LIG1: variants seen among roughly 807,000 people sequenced by gnomAD.
LIG1 encodes the protein ligase I, DNA, ATP-dependent.
In LIG1, 70 loss-of-function variants were observed where a neutral mutation model predicts 115.7. The observed-to-expected ratio is 0.60, with a 90% confidence interval of 0.50 to 0.74. LIG1 has a LOEUF of 0.74. LIG1 is among the 30% of genes least tolerant of loss of function. The pLI is 0.00. For missense variants in LIG1, 1,115 were observed against 1,225.6 expected, an observed-to-expected ratio of 0.91 and a Z score of 1.35; for synonymous variants, 487 against 495.3, an observed-to-expected ratio of 0.98 and a Z score of 0.22.
intron 21 of LIG1, among the ~76,000 whole-genome samples, chr19:48,125,726 C>T (rs902300442): frequency 2.6e-5 from 4 of 152,154 alleles, no homozygotes; most frequent in Admixed American, 1.3e-4. Flanking sequence ...TGGTGGCTCA[C>T]GCCTGTAAAT....
chr19:48,121,043 T>A lies in LIG1; in HGVS notation c.2385+127A>T, dbSNP rs2033230574. ...AGAACCAGAAAAAGTAAATAAAAAC[T>A]GGGGAGAACGGATCCTTCACAGGGG... is the stretch of plus-strand genomic sequence containing the variant. On this transcript the variant is annotated intron_variant, in intron 24 of 27. Coordinates refer to ENST00000263274, the MANE Select transcript of LIG1 (RefSeq NM_000234.3). The A allele has an allele frequency of 3.2e-6, 5 of 1,542,298 alleles. No homozygotes were observed. The South Asian group carries it at 6.0e-5, about 19-fold the overall frequency.
Position 48,122,842 on chromosome 19 carries a change from G to T in LIG1, c.2232+92C>A. ...TGAAAAGGGGCCCTGAGCTCAGACA[G>T]GGTACACAGTGGAGGCTCGAAATCC... is the stretch of plus-strand genomic sequence containing the variant. On this transcript the variant is annotated intron_variant, in intron 23 of 27. Coordinates refer to ENST00000263274, the MANE Select transcript of LIG1 (RefSeq NM_000234.3). The surrounding 1 kb of genome is among the most constrained non-coding windows in gnomAD (Gnocchi z 4.3). The T allele has an allele frequency of 1.7e-6, 2 of 1,148,868 alleles. No homozygotes were observed. Among genetic ancestry groups the T allele is most frequent in the South Asian group, 2.4e-5 (2 of 81,726 alleles). The allele number at this position is 1,148,868 out of a possible 1,614,324, so 71.2% of individuals were successfully genotyped here.
intron 24 of LIG1, chr19:48,120,944 A>G (rs1381340690): frequency 2.2e-6 from 3 of 1,389,392 alleles, no homozygotes; most frequent in Non-Finnish European, 1.9e-6. Context: ...GCTAATCTCA[A>G]TCTCTCACTG....
chr19:48,128,134 A>G, intron 19 of LIG1, 114 bp from the exon 20 acceptor site: 1 of 819,616 alleles, frequency 1.2e-6, no homozygotes, highest in South Asian at 1.4e-5. Context: ...ATGCACTAAC[A>G]AAGAGGCAGG....
chr19:48,125,127 AAAGT>A (rs1007905364), intron 21 of LIG1, among the ~76,000 whole-genome samples: 3 of 152,226 alleles, frequency 2.0e-5, no homozygotes, highest in African/African-American at 7.2e-5. Context: ...AAAATTTGTA[AAAGT>A]AATAGCTCAA....
In LIG1 at chr19:48,133,072, G is replaced by C; in HGVS notation, c.1635C>G (p.Ala545=). 1 of 1,613,922 alleles carries C rather than the reference G, an allele frequency of 6.2e-7. No homozygotes were observed. Among genetic ancestry groups the C allele is most frequent in the Non-Finnish European group, 8.5e-7 (1 of 1,179,770 alleles). The change falls in exon 18 of 28, where the codon GCC becomes GCG. Residue 545 remains alanine (A), a synonymous_variant. Coordinates refer to ENST00000263274, the MANE Select transcript of LIG1 (RefSeq NM_000234.3). The part of the protein sequence containing the change: ...SPGIPLKPML[A]HPTRGISEVL... The stretch of plus-strand genomic sequence containing the variant: ...CCTCGCTGATGCCCCGGGTGGGATG[G>C]GCCAACATTGGTTTCAGGGGAATCC...
chr19:48,164,138 C>CT (rs2036348234), intron 2 of LIG1, among the ~76,000 whole-genome samples: 1 of 152,024 alleles, frequency 6.6e-6, no homozygotes. Context: ...CCTCTCTGTA[C>CT]TGTCTTTGCA....
At chr19:48,141,962 C>T (rs1284628631) in intron 11 of LIG1, among the ~76,000 whole-genome samples, 1 of 152,088 alleles carries the variant, frequency 6.6e-6, no homozygotes, top group East Asian at 1.9e-4. Context: ...AAGATGAGAG[C>T]ATAGTGAATG....
At chr19:48,152,563 T>A (rs1239536534) in intron 6 of LIG1, among the ~76,000 whole-genome samples, 4 of 152,172 alleles carry the variant, frequency 2.6e-5, no homozygotes, top group African/African-American at 9.7e-5. Flanking sequence ...ATCGATCAGA[T>A]CTTTATGGCT....
intron 4 of LIG1, among the ~76,000 whole-genome samples, chr19:48,159,758 C>G (rs936527969): frequency 5.9e-5 from 9 of 152,066 alleles, no homozygotes; most frequent in Admixed American, 6.6e-5. Context: ...TGCTCTGTCA[C>G]CCAGGCTGGA....
rs1439403159 is a variant in LIG1 at position 48,135,772 on chromosome 19, T to C, written c.1431A>G (p.Pro477=). ...VSLTPPGQEF[P]PAMVDAGKGK... ...CCTTCCCAGCATCCACCATGGCTGG[T>C]GGGAATTCTAAGAAAAGACCCACCA... Residue 477 remains proline (P), a synonymous_variant, in exon 16 of 28, where the codon CCA becomes CCG. Transcript: ENST00000263274. 1 of 1,613,798 alleles carries C rather than the reference T, an allele frequency of 6.2e-7. No homozygotes were observed. Among genetic ancestry groups the C allele is most frequent in the African/African-American group, 1.3e-5 (1 of 74,902 alleles).
At chr19:48,156,686 T>C (rs1421980199) in intron 5 of LIG1, among the ~76,000 whole-genome samples, 1 of 151,576 alleles carries the variant, frequency 6.6e-6, no homozygotes, top group Non-Finnish European at 1.5e-5. Flanking sequence ...CTCACGCCTG[T>C]AATCCCAGCA....
Position 48,142,444 on chromosome 19 carries a change from A to AAAAAAAAAAAAAAAAAAAC in LIG1, c.914+1098_914+1099insGTTTTTTTTTTTTTTTTTT, listed in dbSNP as rs1370125052. 5.9e-4 allele frequency among the ~76,000 whole-genome samples: 62 copies of AAAAAAAAAAAAAAAAAAAC among 104,804 alleles called. 3 individuals are homozygous for AAAAAAAAAAAAAAAAAAAC. The highest frequency in any genetic ancestry group is 2.8e-3 in the African/African-American group (58 of 20,526). The allele number at this position is 104,804 out of a possible 152,430, so 68.8% of individuals were successfully genotyped here. ...GGCAACAGAGCAAGACTCCATCTCA[A>AAAAAAAAAAAAAAAAAAAC]AAAAAAAAAAAAACAGAGTGCTGGG... is the stretch of plus-strand genomic sequence containing the variant. On this transcript the variant is annotated intron_variant, in intron 11 of 27. Transcript: ENST00000263274.
Position 48,121,252 on chromosome 19 carries a change from C to G in LIG1, c.2303G>C (p.Arg768Pro), listed in dbSNP as rs372444236. 6.2e-7 allele frequency: 1 copy of G among 1,613,838 alleles called. No individual in the cohort carries two copies. Among genetic ancestry groups the G allele is most frequent in the South Asian group, 1.1e-5 (1 of 91,072 alleles). The part of the protein sequence containing the change: ...DLVVIGAYLG[R>P]GKRAGRYGGF... Reference sequence around the variant, plus strand: ...CCCGTACCGGCCGGCCCGCTTCCCCCGGCCCAGGTAGGCGCCGATCACCAC... The same window carrying G: ...CCCGTACCGGCCGGCCCGCTTCCCCGGGCCCAGGTAGGCGCCGATCACCAC... Residue 768 changes from arginine (R) to proline (P), a missense_variant, in exon 24 of 28, where the codon CGG becomes CCG. Arg to Pro is a moderately radical substitution (Grantham distance 103). Coordinates refer to ENST00000263274, the MANE Select transcript of LIG1 (RefSeq NM_000234.3).
chr19:48,128,203 G>C, intron 19 of LIG1, among the ~76,000 whole-genome samples, 183 bp from the exon 20 acceptor site: 1 of 151,876 alleles, frequency 6.6e-6, no homozygotes, highest in East Asian at 1.9e-4. Context: ...TAATGTCTCT[G>C]AGAATGTAAT....
At chr19:48,134,989 G>A (rs906863155) in intron 16 of LIG1, among the ~76,000 whole-genome samples, 5 of 152,170 alleles carry the variant, frequency 3.3e-5, no homozygotes, top group African/African-American at 7.2e-5. Context: ...TGGAGCCCTC[G>A]TGGCCGCTCC....
intron 4 of LIG1, among the ~76,000 whole-genome samples, chr19:48,158,894 G>A (rs2122986377): frequency 6.6e-6 from 1 of 152,176 alleles, no homozygotes; most frequent in South Asian, 2.1e-4. Flanking sequence ...AAAGCCACAG[G>A]GATGGTCACT....
At chr19:48,123,649 G>A (rs567136421) in intron 21 of LIG1, 2 of 364,090 alleles carry the variant, frequency 5.5e-6, no homozygotes, top group Admixed American at 3.9e-5. Context: ...ACGGAATCTC[G>A]CTCTGTCGCC....
chr19:48,148,849 GT>G (rs1237216304), intron 9 of LIG1, among the ~76,000 whole-genome samples: 1 of 152,180 alleles, frequency 6.6e-6, no homozygotes, highest in Non-Finnish European at 1.5e-5. Context: ...AACCTATTCA[GT>G]GTCCCACAGC....
Sources: gnomAD v4.1 joint callset for allele counts (sites outside exome capture counted in the v4.1 genomes callset) on GRCh38, gnomAD v4.1.1 for gene constraint, Gnocchi (gnomAD v3.1) non-coding constraint, MANE v1.5 for transcripts, NCBI Gene and HGNC (gene_info 2026-07-23, HGNC 2026-07-21) for gene names.